The following SMARCA2 variants were observed in gnomAD, a reference collection of about 807,000 sequenced individuals.
The protein encoded by SMARCA2 is SWI/SNF-related matrix-associated actin-dependent regulator of chromatin subfamily A member 2.
A neutral mutation model predicts 199.8 loss-of-function variants in SMARCA2; 61 were observed. The observed-to-expected ratio is 0.31, with a 90% confidence interval of 0.25 to 0.38. SMARCA2 has a LOEUF of 0.38. Ranked by LOEUF, SMARCA2 falls within the 10% of genes least tolerant of loss-of-function variation. The pLI, the probability that SMARCA2 is intolerant of heterozygous loss-of-function variation, is 1.00. For missense variants in SMARCA2, 1,344 were observed against 2,012.2 expected (o/e 0.67, Z 6.35); for synonymous variants, 935 against 732.0 (o/e 1.28, Z -4.48).
chr9:2,020,246 T>C (rs74742176), intron 1 of SMARCA2, among the ~76,000 whole-genome samples: 7 of 152,190 alleles, frequency 4.6e-5, no homozygotes, highest in Non-Finnish European at 1.0e-4. Flanking sequence ...AAAAGAATTA[T>C]CTTCTAAATT....
At position 2,098,006 on chromosome 9, in the gene SMARCA2, C is replaced by G. The variant is rs184502613; in HGVS notation, c.3078+535C>G. Among the ~76,000 whole-genome samples, 6 of 152,276 alleles carry G rather than the reference C, an allele frequency of 3.9e-5. No homozygotes were observed. In the East Asian group the frequency reaches 1.2e-3, roughly 29 times the overall value. On this transcript the variant is annotated intron_variant, in intron 21 of 33. Coordinates refer to ENST00000349721, the MANE Select transcript of SMARCA2 (RefSeq NM_003070.5). ...AAATCCAGGCTTTCATCCTGATGCT[C>G]AGGTCTCTAGAAAGCTATTTTGCAG... is the stretch of plus-strand genomic sequence containing the variant.
Position 2,032,123 on chromosome 9 carries a change from T to G in SMARCA2, c.226-829T>G, listed in dbSNP as rs138066743. ...TCCAAAACTGCAAACACTCATACTT[T>G]CTTGCTTGAAGTCATTTGGTTTCTA... is the stretch of plus-strand genomic sequence containing the variant. On this transcript the variant is annotated intron_variant, in intron 2 of 33. Transcript: ENST00000349721. Among the ~76,000 whole-genome samples, 29 of 152,374 alleles carry G rather than the reference T, an allele frequency of 1.9e-4. No individual in the cohort carries two copies. The East Asian group carries it at 4.8e-3, about 25-fold the overall frequency.
chr9:2,155,720 CTTTTTTTTTTTTTTTTTTTT>C (rs59156319), intron 27 of SMARCA2, among the ~76,000 whole-genome samples: 28 of 53,190 alleles, frequency 5.3e-4, no homozygotes, highest in East Asian at 2.3e-3. Context: ...AAGAGAAAAC[CTTTTTTTTTTTTTTTTTTTT>C]TTTTTTTTTT....
At chr9:2,128,393 A>T (rs1823791218) in intron 27 of SMARCA2, among the ~76,000 whole-genome samples, 1 of 152,216 alleles carries the variant, frequency 6.6e-6, no homozygotes, top group Non-Finnish European at 1.5e-5. Flanking sequence ...ACATCTCATA[A>T]GACCCCTGGC....
intron 27 of SMARCA2, among the ~76,000 whole-genome samples, chr9:2,155,872 T>A (rs1361006756): frequency 1.3e-5 from 2 of 151,850 alleles, no homozygotes; most frequent in Non-Finnish European, 2.9e-5. Context: ...TACATTTCAG[T>A]CCCAAATCAG....
chr9:2,033,690 G>A (rs1554614637), intron 3 of SMARCA2, among the ~76,000 whole-genome samples: 1 of 152,218 alleles, frequency 6.6e-6, no homozygotes, highest in Non-Finnish European at 1.5e-5. Flanking sequence ...TGAAATCAAA[G>A]CATCAGCAGG....
At position 2,070,403 on chromosome 9, in the gene SMARCA2, A is replaced by G. The variant is rs746497633; in HGVS notation, c.1693-15A>G. The G allele has an allele frequency of 1.9e-6, 3 of 1,612,560 alleles. No homozygotes were observed. The highest frequency in any genetic ancestry group is 1.7e-5 in the Admixed American group (1 of 60,026). The stretch of plus-strand genomic sequence containing the variant: ...ATCTTGGTTACTTATAACATTCGAC[A>G]TTGTTGTTTTGCAGAAGGCTGAGGA... On this transcript the variant is annotated splice_polypyrimidine_tract_variant and intron_variant, in intron 9 of 33. Transcript: ENST00000349721.
intron 27 of SMARCA2, among the ~76,000 whole-genome samples, chr9:2,124,740 T>C (rs910914923): frequency 1.3e-5 from 2 of 152,186 alleles, no homozygotes; most frequent in Non-Finnish European, 2.9e-5. Context: ...AGAACGTTCC[T>C]TGGGCAGCAC....
chr9:2,190,826 T>G (rs910890137), intron 32 of SMARCA2, among the ~76,000 whole-genome samples: 3 of 152,250 alleles, frequency 2.0e-5, no homozygotes, highest in African/African-American at 4.8e-5. Flanking sequence ...TATTTGAATT[T>G]TCTTTTTAAG....
In SMARCA2 at chr9:2,170,888, G is replaced by T. The variant is rs116341506; in HGVS notation, c.4253+416G>T. On this transcript the variant is annotated intron_variant, in intron 29 of 33. Transcript: ENST00000349721. The surrounding 1 kb of genome is among the most constrained non-coding windows in gnomAD (Gnocchi z 4.7). ...CACCTGTAGTGACTTGATCTCCTGCGAGACATGAAGAAGCGTGCATGTTCA... is the reference window on the plus strand; with the variant it reads ...CACCTGTAGTGACTTGATCTCCTGCTAGACATGAAGAAGCGTGCATGTTCA... 2.0e-5 allele frequency among the ~76,000 whole-genome samples: 3 copies of T among 152,162 alleles called. No homozygotes were observed. Among genetic ancestry groups the T allele is most frequent in the Non-Finnish European group, 1.5e-5 (1 of 68,034 alleles).
chr9:2,072,785 C>T lies in SMARCA2; in HGVS notation c.1747-427C>T, dbSNP rs535007994. On this transcript the variant is annotated intron_variant, in intron 10 of 33. Coordinates refer to ENST00000349721, the MANE Select transcript of SMARCA2 (RefSeq NM_003070.5). ...GGTTTCTGAAGAACCTGACTCAGGG[C>T]TATCCCCAATATTATGCTCTACAAC... Among the ~76,000 whole-genome samples, 3 of 152,332 alleles carry T rather than the reference C, an allele frequency of 2.0e-5. No individual in the cohort carries two copies. The South Asian group carries it at 6.2e-4, about 32-fold the overall frequency.
At chr9:2,058,131 C>G in intron 7 of SMARCA2, 160 bp from the exon 8 acceptor site, 1 of 657,656 alleles carries the variant, frequency 1.5e-6, no homozygotes, top group South Asian at 1.8e-5. Context: ...TGGCCCACAC[C>G]TTAACTGCAG....
At chr9:2,050,805 C>G (rs1483401378) in intron 5 of SMARCA2, among the ~76,000 whole-genome samples, 2 of 152,196 alleles carry the variant, frequency 1.3e-5, no homozygotes, top group Middle Eastern at 3.2e-3. Flanking sequence ...GTTCAGATAA[C>G]TCTCCTACAG....
intron 29 of SMARCA2, among the ~76,000 whole-genome samples, chr9:2,172,313 C>G (rs1826294026): frequency 6.6e-6 from 1 of 151,826 alleles, no homozygotes; most frequent in East Asian, 1.9e-4. Flanking sequence ...ATGCAAGTAC[C>G]TGGTATGAAT....
In SMARCA2 at chr9:2,170,498, A is replaced by G. The variant is rs777146882; in HGVS notation, c.4253+26A>G. Reference sequence around the variant, plus strand: ...GTCAGGATCTGTCTTGTATTCCCCTATCTCTAAATACAGGTATCCCTCGTT... The same window carrying G: ...GTCAGGATCTGTCTTGTATTCCCCTGTCTCTAAATACAGGTATCCCTCGTT... On this transcript the variant is annotated intron_variant, in intron 29 of 33. Transcript: ENST00000349721. This position sits in a 1 kb window ranked among gnomAD's most constrained non-coding sequence, Gnocchi z 4.7. The G allele has an allele frequency of 1.5e-5, 25 of 1,613,816 alleles. No homozygotes were observed. Among genetic ancestry groups the G allele is most frequent in the South Asian group, 2.2e-5 (2 of 91,042 alleles).
intron 19 of SMARCA2, among the ~76,000 whole-genome samples, chr9:2,094,961 T>C (rs1822208897): frequency 6.6e-6 from 1 of 152,214 alleles, no homozygotes; most frequent in African/African-American, 2.4e-5. Context: ...CATTTCACAA[T>C]GTTTATGTAT....
At chr9:2,134,435 C>G (rs1281573791) in intron 27 of SMARCA2, among the ~76,000 whole-genome samples, 1 of 152,186 alleles carries the variant, frequency 6.6e-6, no homozygotes, top group Non-Finnish European at 1.5e-5. Flanking sequence ...GTACACCAAC[C>G]TATACTCACT....
At chr9:2,055,343 C>T (rs955694317) in intron 6 of SMARCA2, among the ~76,000 whole-genome samples, 10 of 152,200 alleles carry the variant, frequency 6.6e-5, no homozygotes, top group African/African-American at 2.4e-4. Context: ...TTTCTGATTT[C>T]TAAATTAGTA....
At chr9:2,155,704 T>C (rs537959000) in intron 27 of SMARCA2, among the ~76,000 whole-genome samples, 21 of 142,484 alleles carry the variant, frequency 1.5e-4, no homozygotes, top group African/African-American at 5.5e-4. Context: ...TTATGGCATA[T>C]GGGGAAAGAG....
Sources: gnomAD v4.1 joint callset for allele counts (sites outside exome capture counted in the v4.1 genomes callset) on GRCh38, gnomAD v4.1.1 for gene constraint, Gnocchi (gnomAD v3.1) non-coding constraint, MANE v1.5 for transcripts, NCBI Gene and HGNC (gene_info 2026-07-23, HGNC 2026-07-21) for gene names.